CSRNP3: variants seen among roughly 807,000 people sequenced by gnomAD.
CSRNP3 encodes cysteine/serine-rich nuclear protein 3.
CSRNP3 carries 12 observed loss-of-function variants against 48.0 expected under a neutral mutation model. The ratio of observed to expected loss-of-function variants is 0.25; its 90% CI spans 0.16 to 0.41. The LOEUF (loss-of-function observed/expected upper bound fraction) is 0.41, where lower values mean the gene tolerates loss of function less well. CSRNP3 is among the 10% of genes least tolerant of loss of function. The probability of loss-of-function intolerance (pLI) is 1.00; values close to 1 mark genes in which losing one functional copy is unlikely to be tolerated. For synonymous variants in CSRNP3, 263 were observed against 269.7 expected, an observed-to-expected ratio of 0.98 and a Z score of 0.24; for missense variants, 580 against 724.4, an observed-to-expected ratio of 0.80 and a Z score of 2.29.
chr2:165,480,801 A>G (rs1159336651), intron 1 of CSRNP3, among the ~76,000 whole-genome samples: 3 of 144,540 alleles, frequency 2.1e-5, no homozygotes, highest in African/African-American at 7.5e-5. Context: ...AATATATATA[A>G]TATAAAAATA....
chr2:165,532,259 A>G (rs1002138438), intron 3 of CSRNP3, among the ~76,000 whole-genome samples: 1 of 152,176 alleles, frequency 6.6e-6, no homozygotes, highest in African/African-American at 2.4e-5. Flanking sequence ...ACAACCAAAA[A>G]AGGGAATTTT....
At chr2:165,490,759 A>C (rs1684194574) in intron 1 of CSRNP3, among the ~76,000 whole-genome samples, 1 of 138,592 alleles carries the variant, frequency 7.2e-6, no homozygotes, top group African/African-American at 2.7e-5. Context: ...TAGAAAGCTG[A>C]AACTGGATCC....
chr2:165,585,798 A>G (rs1685617872), intron 3 of CSRNP3, among the ~76,000 whole-genome samples: 1 of 152,188 alleles, frequency 6.6e-6, no homozygotes, highest in South Asian at 2.1e-4. Flanking sequence ...TTGCCAAATT[A>G]CAAAGGTGGA....
In CSRNP3 at chr2:165,679,468, C is replaced by T. The variant is rs1412461341; in HGVS notation, c.1473C>T (p.Ser491=). Residue 491 remains serine (S), a synonymous_variant, in exon 7 of 7, where the codon TCC becomes TCT. Transcript: ENST00000651982. ...ARQAEEAYGA[S]HYPAANPSVI... Reference sequence around the variant, plus strand: ...AAGCAGAAGAGGCCTATGGTGCCTCCCACTACCCAGCTGCCAACCCCTCTG... The same window carrying T: ...AAGCAGAAGAGGCCTATGGTGCCTCTCACTACCCAGCTGCCAACCCCTCTG... 29 of 1,613,388 alleles carry T rather than the reference C, an allele frequency of 1.8e-5. No homozygotes were observed. Among genetic ancestry groups the T allele is most frequent in the South Asian group, 6.6e-5 (6 of 91,056 alleles).
At chr2:165,588,153 G>A (rs1381283975) in intron 3 of CSRNP3, among the ~76,000 whole-genome samples, 2 of 152,116 alleles carry the variant, frequency 1.3e-5, no homozygotes, top group Admixed American at 6.5e-5. Flanking sequence ...TTAAAAAGTA[G>A]ATCAGAAGGA....
intron 3 of CSRNP3, among the ~76,000 whole-genome samples, chr2:165,546,909 A>G (rs539958444): frequency 7.2e-5 from 11 of 152,346 alleles, no homozygotes; most frequent in Admixed American, 2.0e-4. Context: ...GTTTAAATCA[A>G]TTTCAGCTAT....
chr2:165,469,941 A>G (rs543249865), intron 1 of CSRNP3, among the ~76,000 whole-genome samples: 1 of 152,196 alleles, frequency 6.6e-6, no homozygotes, highest in South Asian at 2.1e-4. Flanking sequence ...TAGCTGATTA[A>G]AAACAAAACA....
At chr2:165,574,176 G>C in intron 3 of CSRNP3, 1 of 497,418 alleles carries the variant, frequency 2.0e-6, no homozygotes, top group East Asian at 3.2e-5. Flanking sequence ...CCAGCATTCC[G>C]TTTCAGCTGC....
In CSRNP3 at chr2:165,681,760, T is replaced by TATATAC. The variant is rs1291170889; in HGVS notation, c.*2008_*2009insTATACA. On this transcript the variant is annotated 3_prime_UTR_variant, in exon 7 of 7. Transcript: ENST00000651982. ...ATATATATATATATATATATATATATACACACACACACACACATACACATA... is the reference window on the plus strand; with the variant it reads ...ATATATATATATATATATATATATATATATACACACACACACACACACATACACATA... The TATATAC allele has an allele frequency of 0.012, 519 of 44,616 alleles. 4 individuals carry two copies. The highest frequency in any genetic ancestry group is 0.027 in the African/African-American group (449 of 16,330). 2.8% of individuals were successfully genotyped at this position (44,616 alleles called of 1,614,324 possible).
intron 1 of CSRNP3, among the ~76,000 whole-genome samples, chr2:165,492,932 C>T (rs144338935): frequency 1.5e-4 from 19 of 130,484 alleles, no homozygotes; most frequent in African/African-American, 5.4e-4. Context: ...ACTCAAATTC[C>T]CTAAAAAAAA....
At chr2:165,470,292 T>A (rs1574788712) in intron 1 of CSRNP3, among the ~76,000 whole-genome samples, 1 of 152,148 alleles carries the variant, frequency 6.6e-6, no homozygotes, top group East Asian at 1.9e-4. Flanking sequence ...GTTATTTAAC[T>A]TACTCCTCTT....
intron 3 of CSRNP3, among the ~76,000 whole-genome samples, chr2:165,525,676 G>A (rs1684723272): frequency 6.6e-6 from 1 of 151,620 alleles, no homozygotes; most frequent in Non-Finnish European, 1.5e-5. Context: ...AGTAGAGACG[G>A]GGTTTCATCA....
At chr2:165,597,740 AC>A (rs780559374) in intron 4 of CSRNP3, among the ~76,000 whole-genome samples, 2 of 152,204 alleles carry the variant, frequency 1.3e-5, no homozygotes, top group Non-Finnish European at 2.9e-5. Context: ...TGAGATAAAC[AC>A]GAAGACACAC....
chr2:165,624,112 C>G (rs1036825659), intron 4 of CSRNP3, among the ~76,000 whole-genome samples: 4 of 152,168 alleles, frequency 2.6e-5, no homozygotes, highest in African/African-American at 9.7e-5. Context: ...GTCTGTAAAG[C>G]AGGTTCAGGG....
At chr2:165,515,376 G>A (rs1436574935) in intron 2 of CSRNP3, among the ~76,000 whole-genome samples, 1 of 148,034 alleles carries the variant, frequency 6.8e-6, no homozygotes, top group Non-Finnish European at 1.5e-5. Context: ...TAGATCACTA[G>A]ATTTCTCAAT....
chr2:165,677,165 T>C (rs1687440169), intron 6 of CSRNP3, among the ~76,000 whole-genome samples: 1 of 152,222 alleles, frequency 6.6e-6, no homozygotes, highest in African/African-American at 2.4e-5. Flanking sequence ...GGTCAGGGGT[T>C]GGCACCCTAT....
chr2:165,482,150 CTG>C (rs1249616225), intron 1 of CSRNP3, among the ~76,000 whole-genome samples: 2 of 152,060 alleles, frequency 1.3e-5, no homozygotes, highest in Non-Finnish European at 1.5e-5. Context: ...AAAACTGAGA[CTG>C]AGAGAAATTA....
At position 165,681,736 on chromosome 2, in the gene CSRNP3, T is replaced by TATATATATATATATATATAC. The variant is rs1219466826; in HGVS notation, c.*2002_*2003insCATATATATATATATATATA. On this transcript the variant is annotated 3_prime_UTR_variant, in exon 7 of 7. Coordinates refer to ENST00000651982, the MANE Select transcript of CSRNP3 (RefSeq NM_001172173.2). ...GAAATCTCAAATATACATATATATA[T>TATATATATATATATATATAC]ATATATATATATATATATATATATA... 1.2e-5 allele frequency: 1 copy of TATATATATATATATATATAC among 81,686 alleles called. No individual in the cohort carries two copies. Among genetic ancestry groups the TATATATATATATATATATAC allele is most frequent in the Admixed American group, 1.1e-4 (1 of 8,834 alleles). The allele number at this position is 81,686 out of a possible 1,614,324, so 5.1% of individuals were successfully genotyped here.
chr2:165,545,275 A>G (rs558987413), intron 3 of CSRNP3, among the ~76,000 whole-genome samples: 17 of 152,296 alleles, frequency 1.1e-4, no homozygotes, highest in Admixed American at 9.2e-4. Flanking sequence ...AGGAGAGCAA[A>G]GAAAAGGGGC....
Sources: allele counts gnomAD v4.1 joint callset (sites outside exome capture counted in the v4.1 genomes callset), GRCh38; gene constraint gnomAD v4.1.1; transcripts MANE v1.5; gene names NCBI Gene and HGNC (gene_info 2026-07-23, HGNC 2026-07-21).